Variants in CSNK2A2IP observed in about 807,000 individuals in gnomAD.
CSNK2A2IP encodes the protein casein kinase II subunit alpha'-interacting protein.
the CSNK2A2IP span, among the ~76,000 whole-genome samples, chr3:88,353,740 T>A: frequency 2.0e-5 from 3 of 152,318 alleles, no homozygotes; most frequent in East Asian, 5.8e-4. Context: ...ATGCTTTATG[T>A]GATGGAAGGA....
At chr3:88,363,178 C>T in the CSNK2A2IP span, among the ~76,000 whole-genome samples, 3 of 152,202 alleles carry the variant, frequency 2.0e-5, no homozygotes, top group Non-Finnish European at 2.9e-5. Flanking sequence ...CCTCCCTACC[C>T]TCTTCAAGGC....
chr3:88,457,461 C>T, the CSNK2A2IP span, among the ~76,000 whole-genome samples: 5 of 151,690 alleles, frequency 3.3e-5, no homozygotes, highest in East Asian at 1.9e-4. Context: ...TTTGGGAGGC[C>T]GAGGTGGATG....
At chr3:88,406,075 T>G in the CSNK2A2IP span, among the ~76,000 whole-genome samples, 2 of 152,114 alleles carry the variant, frequency 1.3e-5, no homozygotes, top group Admixed American at 6.5e-5. Context: ...ATCTTTTAAC[T>G]AACCTCATTG....
chr3:88,466,917 T>C, the CSNK2A2IP span: 139 of 1,230,944 alleles, frequency 1.1e-4, no homozygotes, highest in Non-Finnish European at 9.1e-6. Flanking sequence ...TGAAATTAGT[T>C]CTTATCCTTT....
At chr3:88,384,141 A>G in the CSNK2A2IP span, among the ~76,000 whole-genome samples, 1 of 152,112 alleles carries the variant, frequency 6.6e-6, no homozygotes, top group Non-Finnish European at 1.5e-5. Context: ...TACTATGGTA[A>G]ATAAGATAGA....
At chr3:88,399,648 G>C in the CSNK2A2IP span, 1 of 152,188 alleles carries the variant, frequency 6.6e-6, no homozygotes, top group Non-Finnish European at 1.5e-5. Flanking sequence ...TGAGACTGGA[G>C]TACGGCTTCC....
the CSNK2A2IP span, among the ~76,000 whole-genome samples, chr3:88,401,809 CAG>C: frequency 6.6e-6 from 1 of 151,584 alleles, no homozygotes; most frequent in Non-Finnish European, 1.5e-5. Flanking sequence ...AAGAAGAACA[CAG>C]GGAAAAAAAG....
chr3:88,368,770 C>T, the CSNK2A2IP span, among the ~76,000 whole-genome samples: 1 of 151,906 alleles, frequency 6.6e-6, no homozygotes, highest in African/African-American at 2.4e-5. Context: ...GATCTGTACC[C>T]CTTGAAGGGC....
At chr3:88,460,699 T>C in the CSNK2A2IP span, among the ~76,000 whole-genome samples, 438 of 152,300 alleles carry the variant, frequency 2.9e-3, 2 homozygotes, top group African/African-American at 9.8e-3. Flanking sequence ...GGAAACAGAA[T>C]ATTACCAGTA....
the CSNK2A2IP span, among the ~76,000 whole-genome samples, chr3:88,354,312 T>G: frequency 1.4e-4 from 22 of 152,330 alleles, no homozygotes; most frequent in African/African-American, 5.3e-4. Flanking sequence ...ATTATCTATC[T>G]CATAGGGTGG....
the CSNK2A2IP span, among the ~76,000 whole-genome samples, chr3:88,456,771 CAT>C: frequency 1.3e-5 from 2 of 151,158 alleles, no homozygotes; most frequent in African/African-American, 4.9e-5. Context: ...TGTTTTAATA[CAT>C]GTGTCTTTTT....
chr3:88,375,811 ATAT>A, the CSNK2A2IP span, among the ~76,000 whole-genome samples: 1 of 151,828 alleles, frequency 6.6e-6, no homozygotes, highest in Non-Finnish European at 1.5e-5. Flanking sequence ...CCTGACCCAC[ATAT>A]TCACTCAAGA....
chr3:88,364,604 T>C, the CSNK2A2IP span, among the ~76,000 whole-genome samples: 1 of 152,126 alleles, frequency 6.6e-6, no homozygotes, highest in African/African-American at 2.4e-5. Context: ...ATACATGTTG[T>C]CGATATTTAG....
the CSNK2A2IP span, among the ~76,000 whole-genome samples, chr3:88,354,679 T>A: frequency 6.2e-4 from 94 of 152,308 alleles, no homozygotes; most frequent in African/African-American, 2.1e-3. Flanking sequence ...TATTAAATGT[T>A]TTAATAGCAA....
At chr3:88,452,609 C>T in the CSNK2A2IP span, among the ~76,000 whole-genome samples, 5 of 152,016 alleles carry the variant, frequency 3.3e-5, no homozygotes, top group Admixed American at 2.6e-4. Context: ...ATTTGGTCGA[C>T]GACTCAATTA....
chr3:88,424,652 A>G, the CSNK2A2IP span, among the ~76,000 whole-genome samples: 2 of 152,152 alleles, frequency 1.3e-5, no homozygotes, highest in East Asian at 3.9e-4. Flanking sequence ...TCAAGTGCTG[A>G]TATCTATAAT....
chr3:88,363,684 G>T, the CSNK2A2IP span, among the ~76,000 whole-genome samples: 2 of 152,114 alleles, frequency 1.3e-5, no homozygotes, highest in African/African-American at 2.4e-5. Flanking sequence ...GTCATTCCAG[G>T]ATGCAGTTAA....
the CSNK2A2IP span, among the ~76,000 whole-genome samples, chr3:88,341,773 G>C: frequency 6.6e-6 from 1 of 151,686 alleles, no homozygotes; most frequent in Admixed American, 6.6e-5. Flanking sequence ...ATAAACTTTC[G>C]GAGAATCTGA....
chr3:88,384,752 G>A, the CSNK2A2IP span, among the ~76,000 whole-genome samples: 1 of 152,158 alleles, frequency 6.6e-6, no homozygotes, highest in African/African-American at 2.4e-5. Flanking sequence ...TTTTCAGGTG[G>A]AAGATGTTGA....
Sources: allele counts gnomAD v4.1 joint callset (sites outside exome capture counted in the v4.1 genomes callset), GRCh38; gene constraint gnomAD v4.1.1; transcripts MANE v1.5; gene names NCBI Gene and HGNC (gene_info 2026-07-23, HGNC 2026-07-21).